Variants in NEK10 observed in about 807,000 individuals in gnomAD.
NEK10 encodes serine/threonine-protein kinase Nek10.
Under a neutral mutation model 159.8 loss-of-function variants are expected in NEK10, and 122 were observed. The ratio of observed to expected loss-of-function variants is 0.76; its 90% CI spans 0.66 to 0.89. The LOEUF is 0.89. Ranked by LOEUF, NEK10 falls within the 40% of genes least tolerant of loss-of-function variation. NEK10 has a pLI of 0.00. For synonymous variants in NEK10, 466 were observed against 457.1 expected (o/e 1.02, Z -0.25); for missense variants, 1,342 against 1,323.1 (o/e 1.01, Z -0.22).
chr3:27,183,182 T>C (rs1394847931), intron 26 of NEK10, among the ~76,000 whole-genome samples: 1 of 151,916 alleles, frequency 6.6e-6, no homozygotes, highest in African/African-American at 2.4e-5. Flanking sequence ...AAATTTCACA[T>C]GTACACCATA....
chr3:27,285,606 CTGAT>C (rs1254779542), intron 20 of NEK10, among the ~76,000 whole-genome samples: 1 of 151,608 alleles, frequency 6.6e-6, no homozygotes, highest in African/African-American at 2.4e-5. Context: ...AACTTCATGA[CTGAT>C]TGTGTTTGTC....
chr3:27,235,979 A>G (rs1250300554), intron 23 of NEK10, among the ~76,000 whole-genome samples: 1 of 152,216 alleles, frequency 6.6e-6, no homozygotes, highest in Non-Finnish European at 1.5e-5. Flanking sequence ...ATAAAAAAGA[A>G]TAAGATCATG....
chr3:27,202,662 G>A lies in NEK10; in HGVS notation c.2091-105C>T, dbSNP rs369773743. The A allele has an allele frequency of 4.5e-6, 6 of 1,327,326 alleles. No homozygotes were observed. In the Admixed American group the frequency reaches 1.8e-4, roughly 40 times the overall value. The allele number at this position is 1,327,326 out of a possible 1,614,324, so 82.2% of individuals were successfully genotyped here. On this transcript the variant is annotated intron_variant, in intron 23 of 35. Transcript: ENST00000691995. ...GAGTTATTTTTTAAGTATCTGAAAT[G>A]TTTAACTTAATCACTATTTCAGGAA...
At chr3:27,162,539 C>T in intron 30 of NEK10, 162 bp downstream of exon 30, 1 of 1,614,130 alleles carries the variant, frequency 6.2e-7, no homozygotes, top group Non-Finnish European at 8.5e-7. Flanking sequence ...GCCTCTATTT[C>T]CTTAATGTGG....
chr3:27,338,303 A>G (rs2046956122), intron 5 of NEK10, among the ~76,000 whole-genome samples: 1 of 152,244 alleles, frequency 6.6e-6, no homozygotes, highest in South Asian at 2.1e-4. Context: ...TCCACGGTGT[A>G]TATGTGCCAC....
chr3:27,112,441 C>T (rs965166717), intron 35 of NEK10, among the ~76,000 whole-genome samples: 5 of 152,252 alleles, frequency 3.3e-5, no homozygotes, highest in African/African-American at 7.2e-5. Flanking sequence ...TTTCTCAGCA[C>T]GGTGCTTAAT....
intron 25 of NEK10, among the ~76,000 whole-genome samples, chr3:27,195,936 G>A (rs1223743094): frequency 6.6e-6 from 1 of 152,070 alleles, no homozygotes. Context: ...CGTTAAGTGG[G>A]TCAGAAGCAC....
chr3:27,275,070 T>C (rs1559408331), intron 22 of NEK10, among the ~76,000 whole-genome samples: 1 of 152,200 alleles, frequency 6.6e-6, no homozygotes, highest in Non-Finnish European at 1.5e-5. Context: ...ATGAGGTTAC[T>C]ATTTCCAACT....
At chr3:27,175,101 C>T (rs527494595) in intron 26 of NEK10, among the ~76,000 whole-genome samples, 9 of 152,136 alleles carry the variant, frequency 5.9e-5, no homozygotes, top group Non-Finnish European at 1.3e-4. Flanking sequence ...AACCCAGTAG[C>T]GGGGGGAAAT....
chr3:27,127,868 T>C (rs1942154778), intron 32 of NEK10, among the ~76,000 whole-genome samples: 1 of 152,124 alleles, frequency 6.6e-6, no homozygotes. Context: ...TCCACACTCT[T>C]TCTCTCCCTT....
intron 19 of NEK10, among the ~76,000 whole-genome samples, chr3:27,289,065 C>T (rs1432010677): frequency 1.3e-5 from 2 of 152,176 alleles, no homozygotes; most frequent in Non-Finnish European, 1.5e-5. Context: ...CATGATCCTC[C>T]TCATCTCACC....
intron 30 of NEK10, among the ~76,000 whole-genome samples, chr3:27,147,234 A>G (rs1359005411): frequency 6.6e-6 from 1 of 152,124 alleles, no homozygotes. Context: ...CCACATGGGG[A>G]GCAGGAGCCA....
At chr3:27,199,078 A>G (rs1298474158) in intron 25 of NEK10, among the ~76,000 whole-genome samples, 3 of 150,234 alleles carry the variant, frequency 2.0e-5, no homozygotes, top group African/African-American at 7.3e-5. Flanking sequence ...ATCTCAAAAA[A>G]AAAAAAAAAC....
intron 6 of NEK10, among the ~76,000 whole-genome samples, chr3:27,315,087 G>C (rs1201695721): frequency 6.6e-6 from 1 of 152,192 alleles, no homozygotes; most frequent in Non-Finnish European, 1.5e-5. Flanking sequence ...AGTGCTCTTA[G>C]GTTAGCCACA....
intron 22 of NEK10, among the ~76,000 whole-genome samples, chr3:27,264,077 C>T (rs1482907215): frequency 1.3e-5 from 2 of 152,082 alleles, no homozygotes; most frequent in African/African-American, 4.8e-5. Context: ...GTGTGACTTG[C>T]CCAATGTCTC....
At chr3:27,304,606 A>T (rs1575663066) in intron 12 of NEK10, 141 bp downstream of exon 12, 1 of 637,900 alleles carries the variant, frequency 1.6e-6, no homozygotes, top group Middle Eastern at 4.3e-4. Flanking sequence ...ACAAGTCTAG[A>T]TGACTTTGGA....
At chr3:27,200,554 T>G (rs1039317799) in intron 25 of NEK10, among the ~76,000 whole-genome samples, 1 of 152,220 alleles carries the variant, frequency 6.6e-6, no homozygotes, top group Non-Finnish European at 1.5e-5. Context: ...ATTAAGGGTC[T>G]ACTCTGTGCC....
At chr3:27,269,893 C>T (rs967851206) in intron 22 of NEK10, among the ~76,000 whole-genome samples, 3 of 152,210 alleles carry the variant, frequency 2.0e-5, no homozygotes, top group African/African-American at 7.2e-5. Context: ...TATAGTTCCT[C>T]ACTTTCCTTT....
At chr3:27,345,349 T>C (rs1029287683) in intron 4 of NEK10, among the ~76,000 whole-genome samples, 29 of 152,330 alleles carry the variant, frequency 1.9e-4, no homozygotes, top group African/African-American at 5.5e-4. Flanking sequence ...TCACTAAAAA[T>C]ATATTTTTAA....
Sources: allele counts gnomAD v4.1 joint callset (sites outside exome capture counted in the v4.1 genomes callset), GRCh38; gene constraint gnomAD v4.1.1; transcripts MANE v1.5; gene names NCBI Gene and HGNC (gene_info 2026-07-23, HGNC 2026-07-21).